Variants in USP8 observed in about 807,000 individuals in gnomAD.
The protein encoded by USP8 is ubiquitin carboxyl-terminal hydrolase 8.
Under a neutral mutation model 130.0 loss-of-function variants are expected in USP8, and 27 were observed. The observed-to-expected ratio is 0.21, with a 90% CI of 0.15 to 0.29. USP8 has a LOEUF of 0.29. USP8 is among the 10% of genes least tolerant of loss of function. USP8 has a pLI of 1.00. For synonymous variants in USP8, 392 were observed against 444.1 expected, an observed-to-expected ratio of 0.88 and a Z score of 1.48; for missense variants, 1,029 against 1,312.2, an observed-to-expected ratio of 0.78 and a Z score of 3.33.
intron 1 of USP8, among the ~76,000 whole-genome samples, chr15:50,431,895 A>G (rs1206007915): frequency 6.6e-6 from 1 of 152,094 alleles, no homozygotes. Flanking sequence ...ACCTCAGGTG[A>G]TCTGCCTGCC....
chr15:50,441,483 A>C lies in USP8; in HGVS notation c.239A>C (p.Lys80Thr). 1 of 1,572,624 alleles carries C rather than the reference A, an allele frequency of 6.4e-7. No homozygotes were observed. Among genetic ancestry groups the C allele is most frequent in the East Asian group, 2.3e-5 (1 of 43,724 alleles). Residue 80 changes from lysine to threonine, a missense_variant, in exon 3 of 20, where the codon AAG becomes ACG. By Grantham distance (78) the Lys-to-Thr change is moderately conservative. Around this residue, in one of 4 missense-constraint regions of USP8, gnomAD observed 281 missense variants for 336.7 expected, o/e 0.83. Coordinates refer to ENST00000307179, the MANE Select transcript of USP8 (RefSeq NM_005154.5). The stretch of plus-strand genomic sequence containing the variant: ...CTTATCAAAAAAAGACCTGATTTCA[A>C]GCAACAGCAGGTACCTTTTATTTTT... ...YNLIKKRPDF[K>T]QQQDYFHSIL...
At chr15:50,431,184 T>TGTGTGTGTGTGTGTGC (rs1567594170) in intron 1 of USP8, among the ~76,000 whole-genome samples, 1 of 151,774 alleles carries the variant, frequency 6.6e-6, no homozygotes. Flanking sequence ...TGTGTGTGTG[T>TGTGTGTGTGTGTGTGC]GTGTGTAAGC....
chr15:50,445,544 T>TAAA (rs1567606995), intron 3 of USP8, among the ~76,000 whole-genome samples: 12 of 908 alleles, frequency 0.013, no homozygotes, highest in African/African-American at 0.031. Flanking sequence ...AGAGTCTGTC[T>TAAA]CAAAAAAAAA....
chr15:50,497,050 C>T (rs781550641), intron 17 of USP8, 39 bp from the exon 18 acceptor site: 18 of 1,562,994 alleles, frequency 1.2e-5, no homozygotes, highest in Admixed American at 4.0e-5. Context: ...ATTGAAGAAT[C>T]GAATTAACGA....
At chr15:50,451,096 T>G (rs1360959631) in intron 4 of USP8, among the ~76,000 whole-genome samples, 1 of 152,046 alleles carries the variant, frequency 6.6e-6, no homozygotes, top group Non-Finnish European at 1.5e-5. Flanking sequence ...ACTAAGAATG[T>G]ATCATGTTAC....
At chr15:50,449,884 A>C (rs758583678) in intron 4 of USP8, among the ~76,000 whole-genome samples, 2 of 123,308 alleles carry the variant, frequency 1.6e-5, no homozygotes, top group South Asian at 2.5e-4. Context: ...CCTGGCCCCA[A>C]TATTTCTTTT....
chr15:50,444,871 C>T (rs1037436412), intron 3 of USP8, among the ~76,000 whole-genome samples: 16 of 152,146 alleles, frequency 1.1e-4, no homozygotes, highest in African/African-American at 3.6e-4. Flanking sequence ...GATTCTCTCA[C>T]CTCAGCCTCC....
intron 7 of USP8, among the ~76,000 whole-genome samples, chr15:50,469,647 A>G (rs2141289943): frequency 6.6e-6 from 1 of 152,244 alleles, no homozygotes; most frequent in South Asian, 2.1e-4. Flanking sequence ...GGATTTCAAA[A>G]TTAAAATGAT....
rs1234791575 is a variant in USP8 at position 50,501,506 on chromosome 15, C to CT, written c.*2432dup. Reference sequence around the variant, plus strand: ...TAAGTTCATTTACGTAAGATGGCTTCTTTTTTTTTTTTTTAAAGTTAGGAT... The same window carrying CT: ...TAAGTTCATTTACGTAAGATGGCTTCTTTTTTTTTTTTTTTAAAGTTAGGAT... On this transcript the variant is annotated 3_prime_UTR_variant, in exon 20 of 20. Transcript: ENST00000307179. The CT allele has an allele frequency of 0.024, 3,322 of 139,952 alleles. 101 individuals carry two copies. The highest frequency in any genetic ancestry group is 0.077 in the African/African-American group (2,973 of 38,440). The allele number at this position is 139,952 out of a possible 1,614,324, so 8.7% of individuals were successfully genotyped here.
In USP8 at chr15:50,502,585, G is replaced by C. The variant is rs562480118; in HGVS notation, c.*3497G>C. On this transcript the variant is annotated 3_prime_UTR_variant, in exon 20 of 20. Transcript: ENST00000307179. ...GGGTTTCGCCGTGTTGGCCAGGCTGGTCTTGAACTCCTGACCTCAAGTGAT... is the reference window on the plus strand; with the variant it reads ...GGGTTTCGCCGTGTTGGCCAGGCTGCTCTTGAACTCCTGACCTCAAGTGAT... 6.6e-6 allele frequency: 1 copy of C among 152,376 alleles called. No homozygotes were observed. The highest frequency in any genetic ancestry group is 1.9e-4 in the East Asian group (1 of 5,172). The allele number at this position is 152,376 out of a possible 1,614,324, so 9.4% of individuals were successfully genotyped here. A position where few individuals can be genotyped will look rare whatever the true frequency, so the allele number is the denominator to read the frequency against.
At chr15:50,445,895 A>G (rs1004821144) in intron 3 of USP8, among the ~76,000 whole-genome samples, 1 of 152,038 alleles carries the variant, frequency 6.6e-6, no homozygotes, top group Non-Finnish European at 1.5e-5. Context: ...ATAAAACATT[A>G]ATTTAGCAAG....
intron 1 of USP8, among the ~76,000 whole-genome samples, chr15:50,435,926 T>A (rs1312164979): frequency 6.6e-6 from 1 of 152,184 alleles, no homozygotes; most frequent in Non-Finnish European, 1.5e-5. Context: ...CCAAGTCCTG[T>A]CATTCTACCT....
At chr15:50,446,639 T>G (rs184217758) in intron 3 of USP8, among the ~76,000 whole-genome samples, 3 of 152,228 alleles carry the variant, frequency 2.0e-5, no homozygotes, top group African/African-American at 7.2e-5. Context: ...TGATACGATA[T>G]TGAACAAACT....
chr15:50,474,642 G>C (rs112454997), intron 8 of USP8, among the ~76,000 whole-genome samples: 2 of 152,142 alleles, frequency 1.3e-5, no homozygotes, highest in African/African-American at 4.8e-5. Flanking sequence ...GGGGACAACT[G>C]CCCAGCCAGT....
intron 1 of USP8, among the ~76,000 whole-genome samples, chr15:50,430,977 C>G (rs937965384): frequency 1.3e-5 from 2 of 152,160 alleles, no homozygotes; most frequent in Admixed American, 6.6e-5. Flanking sequence ...AGGGATGCTG[C>G]TAAACATCCT....
At position 50,499,178 on chromosome 15, in the gene USP8, G is replaced by A. The variant is rs931510818; in HGVS notation, c.*90G>A. The A allele has an allele frequency of 7.6e-7, 1 of 1,315,434 alleles. No homozygotes were observed. Among genetic ancestry groups the A allele is most frequent in the Non-Finnish European group, 1.0e-6 (1 of 979,090 alleles). 81.5% of individuals were successfully genotyped at this position (1,315,434 alleles called of 1,614,324 possible). On this transcript the variant is annotated 3_prime_UTR_variant, in exon 20 of 20. Coordinates refer to ENST00000307179, the MANE Select transcript of USP8 (RefSeq NM_005154.5). ...ATCAGGATAATGGTAGCTATAGCTG[G>A]CCATTTAGAGGAATTCTAGGACAGT...
At chr15:50,495,087 G>A (rs990746546) in intron 16 of USP8, among the ~76,000 whole-genome samples, 1 of 150,418 alleles carries the variant, frequency 6.6e-6, no homozygotes, top group Non-Finnish European at 1.5e-5. Context: ...ATAAAGGCAT[G>A]TATGTATACA....
chr15:50,493,249 A>G, intron 15 of USP8: 1 of 513,346 alleles, frequency 1.9e-6, no homozygotes, highest in Non-Finnish European at 3.8e-6. Flanking sequence ...CCCATCTCTT[A>G]ATCCTGTCAC....
chr15:50,449,351 A>G, intron 3 of USP8, 49 bp from the exon 4 acceptor site: 11 of 1,253,166 alleles, frequency 8.8e-6, no homozygotes, highest in Non-Finnish European at 1.2e-5. Context: ...CTAGTGTCAC[A>G]TGCAATGCCG....
Sources: gnomAD v4.1 joint callset for allele counts (sites outside exome capture counted in the v4.1 genomes callset) on GRCh38, gnomAD v4.1.1 for gene constraint, gnomAD v4.1.1 regional missense constraint, MANE v1.5 for transcripts, NCBI Gene and HGNC (gene_info 2026-07-23, HGNC 2026-07-21) for gene names.